The following PLXNA4 variants were observed in gnomAD, a reference collection of about 807,000 sequenced individuals.
PLXNA4 encodes plexin A4.
A neutral mutation model predicts 191.8 loss-of-function variants in PLXNA4; 44 were observed. That is an observed-to-expected ratio of 0.23 (90% CI 0.18 to 0.29). The LOEUF (loss-of-function observed/expected upper bound fraction) is 0.29. Among genes scored for constraint, PLXNA4 ranks in the 10% least tolerant of loss-of-function variants. The probability of loss-of-function intolerance (pLI) is 1.00; values close to 1 mark genes in which losing one functional copy is unlikely to be tolerated. For missense variants in PLXNA4, 1,800 were observed against 2,488.8 expected, an observed-to-expected ratio of 0.72 and a Z score of 5.89; for synonymous variants, 1,082 against 1,009.5, an observed-to-expected ratio of 1.07 and a Z score of -1.36.
chr7:132,490,414 C>A lies in PLXNA4; in HGVS notation c.1189-940G>T, dbSNP rs540445257. ...CTCCTAAACATTTTATTCACTGAACCTTTTCTTCCTTTTTTTTTTTTTTTT... is the reference window on the plus strand; with the variant it reads ...CTCCTAAACATTTTATTCACTGAACATTTTCTTCCTTTTTTTTTTTTTTTT... On this transcript the variant is annotated intron_variant, in intron 2 of 31. Transcript: ENST00000321063. Among the ~76,000 whole-genome samples, 10 of 132,564 alleles carry A rather than the reference C, an allele frequency of 7.5e-5. No individual in the cohort carries two copies. In the East Asian group the frequency reaches 1.4e-3, roughly 19 times the overall value. 87.0% of individuals were successfully genotyped at this position (132,564 alleles called of 152,430 possible). A position where few individuals can be genotyped will look rare whatever the true frequency, so the allele number is the denominator to read the frequency against.
chr7:132,639,967 A>G (rs1803707199), intron 2 of PLXNA4, among the ~76,000 whole-genome samples: 1 of 152,200 alleles, frequency 6.6e-6, no homozygotes. Flanking sequence ...CTGTGAGTCG[A>G]GGGGATTCAG....
chr7:132,553,698 C>T (rs951343158), intron 1 of PLXNA4, among the ~76,000 whole-genome samples: 3 of 152,178 alleles, frequency 2.0e-5, no homozygotes, highest in African/African-American at 7.2e-5. Flanking sequence ...CTTAGTGTAC[C>T]TCCTCCATCA....
chr7:132,629,082 TGTAAGG>T (rs1803441434), intron 2 of PLXNA4, among the ~76,000 whole-genome samples: 1 of 152,348 alleles, frequency 6.6e-6, no homozygotes, highest in East Asian at 1.9e-4. Context: ...CAGGCCCTTT[TGTAAGG>T]AGACCCCAAG....
At chr7:132,173,582 G>C (rs928373195) in intron 21 of PLXNA4, among the ~76,000 whole-genome samples, 3 of 152,166 alleles carry the variant, frequency 2.0e-5, no homozygotes, top group Admixed American at 2.0e-4. Flanking sequence ...CAACAAGCAA[G>C]TATGGAGAAA....
intron 4 of PLXNA4, among the ~76,000 whole-genome samples, chr7:132,243,482 A>G (rs1270724033): frequency 6.6e-6 from 1 of 152,216 alleles, no homozygotes; most frequent in Non-Finnish European, 1.5e-5. Flanking sequence ...GAAATTCTCA[A>G]AAACCTTTGC....
chr7:132,244,227 C>T (rs994136604), intron 4 of PLXNA4, among the ~76,000 whole-genome samples: 1 of 152,084 alleles, frequency 6.6e-6, no homozygotes, highest in African/African-American at 2.4e-5. Flanking sequence ...AGGAACTGGG[C>T]GCGTTAGGTC....
intron 2 of PLXNA4, among the ~76,000 whole-genome samples, chr7:132,611,845 CAG>C (rs1387623921): frequency 6.6e-6 from 1 of 152,146 alleles, no homozygotes; most frequent in African/African-American, 2.4e-5. Context: ...ACTAAAGTAA[CAG>C]AAGTTTTAAC....
chr7:132,489,283 C>T lies in PLXNA4; in HGVS notation c.1371+9G>A, dbSNP rs760250459. 6.3e-7 allele frequency: 1 copy of T among 1,579,752 alleles called. No individual in the cohort carries two copies. The highest frequency in any genetic ancestry group is 8.7e-7 in the Non-Finnish European group (1 of 1,151,772). Reference sequence around the variant, plus strand: ...CACAGTAACCAAAAGTACTGCACCTCATTCCTACCTTCTTCAGCTTGCCAC... The same window carrying T: ...CACAGTAACCAAAAGTACTGCACCTTATTCCTACCTTCTTCAGCTTGCCAC... On this transcript the variant is annotated intron_variant, in intron 3 of 31. Transcript: ENST00000321063.
intron 2 of PLXNA4, among the ~76,000 whole-genome samples, chr7:132,636,714 C>A (rs1245270291): frequency 6.6e-6 from 1 of 152,152 alleles, no homozygotes; most frequent in Non-Finnish European, 1.5e-5. Flanking sequence ...CCACTGCAGC[C>A]CAATAAGGTG....
chr7:132,126,285 GC>G lies in PLXNA4; in HGVS notation c.*4193del, dbSNP rs2116469199. On this transcript the variant is annotated 3_prime_UTR_variant, in exon 32 of 32. Transcript: ENST00000321063. ...CATAGGGCCTTGGCTAGACGAGGGA[GC>G]TCCTACAGCCAGGAAGGCAGCTTTG... 6.6e-6 allele frequency: 1 copy of G among 152,616 alleles called. No homozygotes were observed. Among genetic ancestry groups the G allele is most frequent in the Admixed American group, 6.5e-5 (1 of 15,300 alleles). The allele number at this position is 152,616 out of a possible 1,614,324, so 9.5% of individuals were successfully genotyped here. A position where few individuals can be genotyped will look rare whatever the true frequency, so the allele number is the denominator to read the frequency against.
intron 1 of PLXNA4, among the ~76,000 whole-genome samples, chr7:132,575,088 T>C (rs1266252272): frequency 1.3e-4 from 20 of 152,196 alleles, no homozygotes; most frequent in Admixed American, 1.3e-3. Flanking sequence ...CAGGAGCTTG[T>C]ACATATATAT....
intron 3 of PLXNA4, among the ~76,000 whole-genome samples, chr7:132,453,215 C>T (rs1027249677): frequency 1.3e-5 from 2 of 152,070 alleles, no homozygotes; most frequent in African/African-American, 4.8e-5. Context: ...CTGCCCTTCT[C>T]CCAAGAAGAG....
chr7:132,279,823 T>G (rs929347609), intron 4 of PLXNA4, among the ~76,000 whole-genome samples: 4 of 152,122 alleles, frequency 2.6e-5, no homozygotes, highest in African/African-American at 9.7e-5. Flanking sequence ...TTAAAACTAG[T>G]GGACGGAGAG....
At chr7:132,485,054 A>G in intron 3 of PLXNA4, 1 of 1,602,676 alleles carries the variant, frequency 6.2e-7, no homozygotes, top group Non-Finnish European at 8.5e-7. Context: ...CAGGCTTGAG[A>G]AAAAAAAATT....
intron 3 of PLXNA4, among the ~76,000 whole-genome samples, chr7:132,405,431 C>T (rs1357894982): frequency 6.6e-6 from 1 of 152,168 alleles, no homozygotes; most frequent in Non-Finnish European, 1.5e-5. Flanking sequence ...TCTCTCTGAT[C>T]TCACTCTTCC....
intron 3 of PLXNA4, chr7:132,383,673 G>T (rs1004724817): frequency 6.6e-5 from 65 of 982,188 alleles, no homozygotes; most frequent in Non-Finnish European, 7.6e-5. Context: ...ATAAATGAGT[G>T]TATATATCAA....
chr7:132,330,241 G>A (rs558808845), intron 3 of PLXNA4, among the ~76,000 whole-genome samples: 1 of 152,334 alleles, frequency 6.6e-6, no homozygotes, highest in East Asian at 1.9e-4. Context: ...GCTGAGTAGG[G>A]ACATGGTGGG....
intron 3 of PLXNA4, among the ~76,000 whole-genome samples, chr7:132,394,290 C>G (rs1793656264): frequency 6.6e-6 from 1 of 152,148 alleles, no homozygotes; most frequent in African/African-American, 2.4e-5. Flanking sequence ...ATGGCACCAG[C>G]AGATGCCAGT....
At chr7:132,386,760 A>G (rs1439307879) in intron 3 of PLXNA4, among the ~76,000 whole-genome samples, 23 of 152,210 alleles carry the variant, frequency 1.5e-4, no homozygotes, top group Non-Finnish European at 2.4e-4. Flanking sequence ...CTGGCTCGAG[A>G]GCCTCAGCAG....
Sources: gnomAD v4.1 joint callset for allele counts (sites outside exome capture counted in the v4.1 genomes callset) on GRCh38, gnomAD v4.1.1 for gene constraint, MANE v1.5 for transcripts, NCBI Gene and HGNC (gene_info 2026-07-23, HGNC 2026-07-21) for gene names.